Variants in RAD21 observed in about 807,000 individuals in gnomAD.
RAD21 encodes double-strand-break repair protein rad21 homolog.
Under a neutral mutation model 71.5 loss-of-function variants are expected in RAD21, and 18 were observed. That is an observed-to-expected ratio of 0.25 (90% confidence interval 0.17 to 0.37). RAD21 has a LOEUF of 0.37. RAD21 is among the 10% of genes least tolerant of loss of function. RAD21 has a pLI of 1.00. For synonymous variants in RAD21, 248 were observed against 254.0 expected (o/e 0.98, Z 0.22); for missense variants, 493 against 769.1 (o/e 0.64, Z 4.25).
chr8:116,848,328 A>T (rs1390360043), intron 13 of RAD21, among the ~76,000 whole-genome samples: 2 of 152,254 alleles, frequency 1.3e-5, no homozygotes, highest in Non-Finnish European at 2.9e-5. Context: ...CCAAGAAACC[A>T]GCAAAATTGT....
At chr8:116,858,540 TAAAA>T in intron 4 of RAD21, 82 bp from the exon 5 acceptor site, 1 of 1,072,286 alleles carries the variant, frequency 9.3e-7, no homozygotes, top group African/African-American at 1.6e-5. Context: ...TAAGAAAAAT[TAAAA>T]AAATATATAT....
In RAD21 at chr8:116,866,909, C is replaced by T. The variant is rs1812706805; in HGVS notation, c.-32-148G>A. 3 of 480,242 alleles carry T rather than the reference C, an allele frequency of 6.2e-6. No individual in the cohort carries two copies. The South Asian group carries it at 2.1e-4, about 34-fold the overall frequency. The allele number at this position is 480,242 out of a possible 1,614,324, so 29.7% of individuals were successfully genotyped here. On this transcript the variant is annotated intron_variant, in intron 1 of 13. Transcript: ENST00000297338. ...TGTTTAATATGTATTTTAAAAACAA[C>T]AGATTTAAAACAAATCTATTGTTTT...
At chr8:116,873,113 A>C (rs1563696247) in intron 1 of RAD21, among the ~76,000 whole-genome samples, 1 of 152,258 alleles carries the variant, frequency 6.6e-6, no homozygotes, top group Non-Finnish European at 1.5e-5. Flanking sequence ...ATCATGCCTA[A>C]CAACTCTGGT....
At chr8:116,862,858 TA>T (rs1812618357) in intron 3 of RAD21, among the ~76,000 whole-genome samples, 1 of 152,126 alleles carries the variant, frequency 6.6e-6, no homozygotes, top group Non-Finnish European at 1.5e-5. Context: ...CAAGTCTATG[TA>T]AGCTGCTGAA....
rs1812340637 is a variant in RAD21, at chr8:116,851,136, A to T, written c.1471-369T>A. 3 of 157,210 alleles carry T rather than the reference A, an allele frequency of 1.9e-5. No individual in the cohort carries two copies. In the East Asian group the frequency reaches 5.5e-4, roughly 29 times the overall value. The allele number at this position is 157,210 out of a possible 1,614,324, so 9.7% of individuals were successfully genotyped here. The stretch of plus-strand genomic sequence containing the variant: ...ATGTCTCACGGCAGCAAATAATAGG[A>T]GTGAGGACATTGCTTTTCTGGGTCC... On this transcript the variant is annotated intron_variant, in intron 11 of 13. Coordinates refer to ENST00000297338, the MANE Select transcript of RAD21 (RefSeq NM_006265.3).
intron 1 of RAD21, among the ~76,000 whole-genome samples, chr8:116,872,447 C>A (rs1005590469): frequency 2.0e-5 from 3 of 152,072 alleles, no homozygotes; most frequent in Non-Finnish European, 2.9e-5. Flanking sequence ...GTGGCGTACA[C>A]ATGAAACTGG....
intron 2 of RAD21, 91 bp downstream of exon 2, chr8:116,866,495 G>A: frequency 8.2e-7 from 1 of 1,223,346 alleles, no homozygotes; most frequent in African/African-American, 1.5e-5. Flanking sequence ...GCACTCCAAT[G>A]CCCCTACCTA....
rs76993687 is a variant in RAD21 at position 116,858,244 on chromosome 8, C to T, written c.481+108G>A. The T allele has an allele frequency of 6.8e-3, 5,290 of 779,874 alleles. 200 individuals carry two copies. In the African/African-American group the frequency reaches 0.079, roughly 12 times the overall value. The allele number at this position is 779,874 out of a possible 1,614,324, so 48.3% of individuals were successfully genotyped here. A position where few individuals can be genotyped will look rare whatever the true frequency, so the allele number is the denominator to read the frequency against. On this transcript the variant is annotated intron_variant, in intron 5 of 13. Coordinates refer to ENST00000297338, the MANE Select transcript of RAD21 (RefSeq NM_006265.3). Reference sequence around the variant, plus strand: ...TTCTTTTCTTGATGAAAATGCATTACATGAAATTTTAAGTCTTTCTGTCTA... The same window carrying T: ...TTCTTTTCTTGATGAAAATGCATTATATGAAATTTTAAGTCTTTCTGTCTA...
chr8:116,859,256 A>C (rs980657198), intron 4 of RAD21, among the ~76,000 whole-genome samples: 1 of 152,128 alleles, frequency 6.6e-6, no homozygotes, highest in South Asian at 2.1e-4. Flanking sequence ...ACAGTGCCTT[A>C]AGCAAGTCTG....
At chr8:116,855,577 T>C (rs1474271278) in intron 8 of RAD21, among the ~76,000 whole-genome samples, 1 of 152,212 alleles carries the variant, frequency 6.6e-6, no homozygotes, top group Admixed American at 6.5e-5. Context: ...AAATTTCTTC[T>C]TGAAGAGACA....
At chr8:116,858,510 A>G (rs747762389) in intron 4 of RAD21, 52 bp from the exon 5 acceptor site, 1 of 1,408,958 alleles carries the variant, frequency 7.1e-7, no homozygotes, top group Non-Finnish European at 9.9e-7. Flanking sequence ...TATAAGAAAA[A>G]CAAATCCCAA....
intron 10 of RAD21, 73 bp downstream of exon 10, chr8:116,852,475 TG>T: frequency 7.1e-7 from 1 of 1,398,826 alleles, no homozygotes; most frequent in Non-Finnish European, 9.6e-7. Context: ...TCTTTCACTC[TG>T]ACAGTATAAA....
At chr8:116,872,328 T>C (rs1435619683) in intron 1 of RAD21, among the ~76,000 whole-genome samples, 1 of 152,172 alleles carries the variant, frequency 6.6e-6, no homozygotes, top group African/African-American at 2.4e-5. Context: ...AATACAACAT[T>C]TGTACTAACA....
intron 4 of RAD21, among the ~76,000 whole-genome samples, chr8:116,861,036 A>C (rs1812581924): frequency 6.6e-6 from 1 of 152,144 alleles, no homozygotes; most frequent in South Asian, 2.1e-4. Flanking sequence ...ATGTTTAAAA[A>C]TTTCCATAAT....
intron 11 of RAD21, 47 bp from the exon 12 acceptor site, chr8:116,850,814 T>C: frequency 1.5e-6 from 2 of 1,304,548 alleles, no homozygotes; most frequent in Non-Finnish European, 2.2e-6. Flanking sequence ...GCTTTTAAAG[T>C]AGCTTATTTT....
chr8:116,851,632 C>A (rs1812350300), intron 11 of RAD21: 1 of 206,082 alleles, frequency 4.9e-6, no homozygotes, highest in South Asian at 1.8e-4. Context: ...TGACCTAAAA[C>A]TGCCTAGTAC....
In RAD21 at chr8:116,847,652, G is replaced by T. The variant is rs745723061; in HGVS notation, c.1744C>A (p.Leu582Ile). Residue 582 changes from leucine to isoleucine, a missense_variant, in exon 14 of 14, where the codon CTT becomes ATT. By Grantham distance (5) the Leu-to-Ile change is conservative. Coordinates refer to ENST00000297338, the MANE Select transcript of RAD21 (RefSeq NM_006265.3). ...CTGTTCGTATTTCGACATAACTCAA[G>T]CAAACTGATAGATTCAGCTCCAGTT... ...AKTGAESISLLELCRNTNRKQ... is the reference protein window; with the variant it reads ...AKTGAESISLIELCRNTNRKQ... The T allele has an allele frequency of 1.2e-6, 2 of 1,613,798 alleles. No individual in the cohort carries two copies. Among genetic ancestry groups the T allele is most frequent in the African/African-American group, 2.7e-5 (2 of 74,896 alleles).
chr8:116,870,303 G>A (rs1812787537), intron 1 of RAD21, among the ~76,000 whole-genome samples: 1 of 152,156 alleles, frequency 6.6e-6, no homozygotes, highest in Non-Finnish European at 1.5e-5. Flanking sequence ...AAGGTAAGAG[G>A]AATGCTTGAG....
At chr8:116,864,057 T>C (rs192197140) in intron 2 of RAD21, among the ~76,000 whole-genome samples, 31 of 152,282 alleles carry the variant, frequency 2.0e-4, no homozygotes, top group African/African-American at 7.2e-4. Context: ...CATAGCTTTT[T>C]TTCACCAGAA....
Sources: allele counts gnomAD v4.1 joint callset (sites outside exome capture counted in the v4.1 genomes callset), GRCh38; gene constraint gnomAD v4.1.1; transcripts MANE v1.5; gene names NCBI Gene and HGNC (gene_info 2026-07-23, HGNC 2026-07-21).